BLTP1: variants seen among roughly 807,000 people sequenced by gnomAD.
BLTP1 encodes the protein fragile site-associated protein.
the BLTP1 span, chr4:122,207,099 A>G: frequency 2.5e-6 from 4 of 1,588,014 alleles, no homozygotes; most frequent in Non-Finnish European, 3.4e-6. Context: ...TCACTACCCC[A>G]ATAATTTTAG....
At chr4:122,174,625 A>G in the BLTP1 span, 6 of 1,604,762 alleles carry the variant, frequency 3.7e-6, no homozygotes, top group Admixed American at 1.7e-5. Context: ...CGTGAAATCT[A>G]TTACATTACA....
the BLTP1 span, chr4:122,189,049 T>A: frequency 1.0e-6 from 1 of 984,794 alleles, no homozygotes; most frequent in African/African-American, 1.7e-5. Context: ...CACACAAATG[T>A]GTATGAGTGA....
the BLTP1 span, chr4:122,154,909 A>G: frequency 1.1e-6 from 1 of 931,642 alleles, no homozygotes; most frequent in Non-Finnish European, 1.3e-6. Context: ...AAAGTAGTTG[A>G]CTTTTGGTTT....
the BLTP1 span, chr4:122,238,365 A>C: frequency 2.5e-6 from 4 of 1,602,526 alleles, no homozygotes; most frequent in South Asian, 4.4e-5. Flanking sequence ...GTATTCACTT[A>C]GATTTAGAAG....
chr4:122,301,013 A>G, the BLTP1 span: 4 of 981,790 alleles, frequency 4.1e-6, no homozygotes, highest in Non-Finnish European at 2.4e-6. Context: ...AGTCCAGTTT[A>G]CTTTTTTCCC....
chr4:122,351,754 T>C, the BLTP1 span, among the ~76,000 whole-genome samples: 15 of 152,160 alleles, frequency 9.9e-5, no homozygotes, highest in Non-Finnish European at 2.1e-4. Flanking sequence ...ATATAAAAAT[T>C]GAGGGATGTT....
the BLTP1 span, chr4:122,331,622 T>C: frequency 6.8e-7 from 1 of 1,478,720 alleles, no homozygotes; most frequent in Non-Finnish European, 9.0e-7. Flanking sequence ...TATAACAAAC[T>C]TCTCCATCCC....
At chr4:122,260,041 A>G in the BLTP1 span, 5 of 432,370 alleles carry the variant, frequency 1.2e-5, no homozygotes, top group South Asian at 9.8e-5. Context: ...TCATTAGGCA[A>G]TTTGTCATTG....
chr4:122,277,701 G>A, the BLTP1 span: 4 of 983,360 alleles, frequency 4.1e-6, no homozygotes, highest in Non-Finnish European at 4.8e-6. Context: ...ATGAAAAGCA[G>A]AAAATGCAAG....
the BLTP1 span, chr4:122,224,236 C>A: frequency 2.5e-6 from 1 of 392,382 alleles, no homozygotes; most frequent in South Asian, 1.1e-4. Context: ...AGGCAGTTAC[C>A]AATCAGAGAT....
chr4:122,190,387 G>A, the BLTP1 span: 1 of 973,764 alleles, frequency 1.0e-6, no homozygotes, highest in East Asian at 1.1e-4. Context: ...TGAGCCCATG[G>A]TGCCTGGCCT....
chr4:122,170,695 A>G, the BLTP1 span: 1 of 1,599,046 alleles, frequency 6.3e-7, no homozygotes, highest in Non-Finnish European at 8.5e-7. Flanking sequence ...TAACTCAATT[A>G]GAAGATTTTC....
the BLTP1 span, among the ~76,000 whole-genome samples, chr4:122,328,997 T>C: frequency 6.6e-6 from 1 of 151,716 alleles, no homozygotes; most frequent in African/African-American, 2.4e-5. Context: ...AGCTGATCTA[T>C]AAGAAACTCT....
At chr4:122,289,706 C>G in the BLTP1 span, 1 of 947,102 alleles carries the variant, frequency 1.1e-6, no homozygotes, top group Non-Finnish European at 1.3e-6. Flanking sequence ...TATAACAGTT[C>G]TTAATGCTGA....
the BLTP1 span, among the ~76,000 whole-genome samples, chr4:122,345,559 G>A: frequency 1.4e-5 from 2 of 144,596 alleles, no homozygotes; most frequent in Non-Finnish European, 3.2e-5. Flanking sequence ...GAAATAGAGA[G>A]GCTAGAGGTA....
At chr4:122,237,981 C>T in the BLTP1 span, 1 of 784,292 alleles carries the variant, frequency 1.3e-6, no homozygotes, top group Non-Finnish European at 1.7e-6. Context: ...GACTCCATCT[C>T]AAAAAAAAAA....
chr4:122,318,322 C>T, the BLTP1 span: 2 of 1,420,426 alleles, frequency 1.4e-6, no homozygotes, highest in South Asian at 2.4e-5. Context: ...CTGACTTTTT[C>T]CTATCATATC....
At chr4:122,215,259 A>G in the BLTP1 span, 3 of 738,986 alleles carry the variant, frequency 4.1e-6, no homozygotes, top group Non-Finnish European at 5.0e-6. Context: ...AGCAAATTGA[A>G]CATTAGACCC....
At chr4:122,256,377 G>A in the BLTP1 span, among the ~76,000 whole-genome samples, 1 of 152,286 alleles carries the variant, frequency 6.6e-6, no homozygotes, top group South Asian at 2.1e-4. Flanking sequence ...AGAGAGAATG[G>A]CAGGTGTTTC....
Sources: gnomAD v4.1 joint callset for allele counts (sites outside exome capture counted in the v4.1 genomes callset) on GRCh38, gnomAD v4.1.1 for gene constraint, MANE v1.5 for transcripts, NCBI Gene and HGNC (gene_info 2026-07-23, HGNC 2026-07-21) for gene names.